The following PTPRQ variants were observed in gnomAD, a reference collection of about 807,000 sequenced individuals.
The protein encoded by PTPRQ is protein tyrosine phosphatase receptor type Q, also known as phosphatidylinositol phosphatase PTPRQ.
A neutral mutation model predicts 246.0 loss-of-function variants in PTPRQ; 199 were observed. The ratio of observed to expected loss-of-function variants is 0.81; its 90% CI spans 0.72 to 0.91. PTPRQ has a LOEUF of 0.91. Among genes scored for constraint, PTPRQ ranks in the 40% least tolerant of loss-of-function variants. The pLI, the probability that PTPRQ is intolerant of heterozygous loss-of-function variation, is 0.00. For missense variants in PTPRQ, 2,624 were observed against 2,528.4 expected (o/e 1.04, Z -0.81); for synonymous variants, 869 against 853.2 (o/e 1.02, Z -0.32).
At chr12:80,480,739 C>G (rs1375988378) in intron 8 of PTPRQ, among the ~76,000 whole-genome samples, 2 of 152,096 alleles carry the variant, frequency 1.3e-5, no homozygotes, top group Non-Finnish European at 2.9e-5. Flanking sequence ...GAGAATACTA[C>G]AAACACCTCT....
chr12:80,584,597 T>G (rs1196466252), intron 25 of PTPRQ, among the ~76,000 whole-genome samples: 2 of 152,190 alleles, frequency 1.3e-5, no homozygotes, highest in Non-Finnish European at 2.9e-5. Flanking sequence ...GCAGTCTTGC[T>G]GTTTGTTATT....
chr12:80,590,483 T>C (rs1290291634), intron 26 of PTPRQ, among the ~76,000 whole-genome samples: 3 of 151,802 alleles, frequency 2.0e-5, no homozygotes, highest in East Asian at 1.9e-4. Context: ...CTGGCTAACA[T>C]GGTGAAACCC....
chr12:80,516,906 AAGT>A (rs1895317071), intron 17 of PTPRQ, among the ~76,000 whole-genome samples: 1 of 152,214 alleles, frequency 6.6e-6, no homozygotes, highest in Admixed American at 6.5e-5. Context: ...AGAGTTTGAC[AAGT>A]AGCATTATAG....
rs776299075 is a variant in PTPRQ, at chr12:80,620,384, T to C, written c.5612+8T>C. On this transcript the variant is annotated splice_region_variant and intron_variant, in intron 32 of 44. Transcript: ENST00000644991. ...ACCAAAAAAGCAATACTTGTAAGTA[T>C]AGGTTATATCTACCATGCATTCTGT... 7 of 1,548,204 alleles carry C rather than the reference T, an allele frequency of 4.5e-6. No homozygotes were observed. The African/African-American group carries it at 5.5e-5, about 12-fold the overall frequency.
chr12:80,669,929 A>G (rs1900914580), intron 41 of PTPRQ, among the ~76,000 whole-genome samples: 1 of 152,078 alleles, frequency 6.6e-6, no homozygotes, highest in Non-Finnish European at 1.5e-5. Flanking sequence ...ATCTCAGTTT[A>G]TATAAATGCC....
chr12:80,646,400 C>A (rs1900073576), intron 35 of PTPRQ, among the ~76,000 whole-genome samples: 1 of 152,130 alleles, frequency 6.6e-6, no homozygotes, highest in South Asian at 2.1e-4. Flanking sequence ...TCACAAATAT[C>A]CACCCAAACC....
intron 41 of PTPRQ, 24 bp downstream of exon 41, chr12:80,669,488 G>C (rs1900900655): frequency 6.5e-7 from 1 of 1,530,520 alleles, no homozygotes; most frequent in African/African-American, 1.4e-5. Flanking sequence ...GGGGGGACGA[G>C]AGAACATGAT....
In PTPRQ at chr12:80,546,653, G is replaced by A. The variant is rs1565778321; in HGVS notation, c.3971G>A (p.Gly1324Asp). 1.9e-6 allele frequency: 3 copies of A among 1,551,382 alleles called. No individual in the cohort carries two copies. Among genetic ancestry groups the A allele is most frequent in the East Asian group, 2.4e-5 (1 of 40,858 alleles). ...RVSAFTKVGNGNQFSNVVKFT... is the reference protein window; with the variant it reads ...RVSAFTKVGNDNQFSNVVKFT... Reference sequence around the variant, plus strand: ...TCTGCGTTCACCAAAGTTGGAAATGGCAATCAATTTAGTAATGTAGTAAAA... The same window carrying A: ...TCTGCGTTCACCAAAGTTGGAAATGACAATCAATTTAGTAATGTAGTAAAA... Residue 1324 changes from glycine to aspartate, a missense_variant, in exon 24 of 45, where the codon GGC (glycine) becomes GAC (aspartate). Coordinates refer to ENST00000644991, the MANE Select transcript of PTPRQ (RefSeq NM_001145026.2).
At position 80,591,189 on chromosome 12, in the gene PTPRQ, G is replaced by A. The variant is rs530852159; in HGVS notation, c.4609+2737G>A. 1.3e-4 allele frequency among the ~76,000 whole-genome samples: 18 copies of A among 141,770 alleles called. No individual in the cohort carries two copies. In the South Asian group the frequency reaches 3.2e-3, roughly 25 times the overall value. The allele number at this position is 141,770 out of a possible 152,430, so 93.0% of individuals were successfully genotyped here. A position where few individuals can be genotyped will look rare whatever the true frequency, so the allele number is the denominator to read the frequency against. ...CACCCAGGCTGGGGTGCTGGGGCAC[G>A]GTCACAGCTTACTGCAGCCTCGACC... On this transcript the variant is annotated intron_variant, in intron 26 of 44. Transcript: ENST00000644991.
intron 26 of PTPRQ, among the ~76,000 whole-genome samples, chr12:80,597,825 G>T (rs909392346): frequency 6.6e-6 from 1 of 151,880 alleles, no homozygotes; most frequent in African/African-American, 2.4e-5. Context: ...GCTTTTCTAT[G>T]GCTTCCCCAG....
At chr12:80,586,796 A>C (rs1177113909) in intron 25 of PTPRQ, 1 of 152,154 alleles carries the variant, frequency 6.6e-6, no homozygotes, top group African/African-American at 2.4e-5. Context: ...TCTGTACCCC[A>C]CATGCCCAGA....
chr12:80,461,131 A>G (rs1893151576), intron 6 of PTPRQ, among the ~76,000 whole-genome samples: 2 of 152,200 alleles, frequency 1.3e-5, no homozygotes, highest in African/African-American at 4.8e-5. Flanking sequence ...TTCTTGAGCC[A>G]CTGACCGTGA....
chr12:80,613,317 C>T (rs563167148), intron 28 of PTPRQ, among the ~76,000 whole-genome samples: 3 of 150,464 alleles, frequency 2.0e-5, no homozygotes, highest in East Asian at 2.0e-4. Context: ...GACCCTGTCT[C>T]GAAAACAAAC....
At chr12:80,496,226 A>G in intron 13 of PTPRQ, 24 bp from the exon 14 acceptor site, 1 of 1,542,024 alleles carries the variant, frequency 6.5e-7, no homozygotes, top group Non-Finnish European at 8.8e-7. Flanking sequence ...TATAGGTACT[A>G]CAAATGTTCT....
At chr12:80,554,727 T>G (rs1896593532) in intron 25 of PTPRQ, among the ~76,000 whole-genome samples, 1 of 152,136 alleles carries the variant, frequency 6.6e-6, no homozygotes, top group Non-Finnish European at 1.5e-5. Context: ...ATGTATTCAA[T>G]TTAATTATCA....
intron 17 of PTPRQ, among the ~76,000 whole-genome samples, chr12:80,522,837 G>T (rs1406258091): frequency 6.6e-6 from 1 of 151,960 alleles, no homozygotes; most frequent in African/African-American, 2.4e-5. Context: ...TTTTTGTTGT[G>T]TCTCTGCCAG....
intron 25 of PTPRQ, among the ~76,000 whole-genome samples, chr12:80,578,221 T>TC (rs1402962661): frequency 2.9e-5 from 2 of 68,064 alleles, no homozygotes; most frequent in African/African-American, 5.9e-5. Context: ...CCCTCCCCCC[T>TC]CCCCCCACCC....
chr12:80,551,185 A>G (rs1313083838), intron 25 of PTPRQ, among the ~76,000 whole-genome samples: 6 of 152,172 alleles, frequency 3.9e-5, no homozygotes, highest in Admixed American at 6.6e-5. Context: ...AACTCCAAAT[A>G]TATATGAAAT....
chr12:80,578,541 C>T (rs1897338354), intron 25 of PTPRQ, among the ~76,000 whole-genome samples: 1 of 151,990 alleles, frequency 6.6e-6, no homozygotes, highest in Non-Finnish European at 1.5e-5. Context: ...CAGGCGCCTG[C>T]CACTACGCCC....
Sources: allele counts gnomAD v4.1 joint callset (sites outside exome capture counted in the v4.1 genomes callset), GRCh38; gene constraint gnomAD v4.1.1; transcripts MANE v1.5; gene names NCBI Gene and HGNC (gene_info 2026-07-23, HGNC 2026-07-21).